The following SPATA1 variants were observed in gnomAD, a reference collection of about 807,000 sequenced individuals.
SPATA1 encodes spermatogenesis-associated protein 1.
In SPATA1, 57 loss-of-function variants were observed where a neutral mutation model predicts 59.6. The ratio of observed to expected loss-of-function variants is 0.96; its 90% CI spans 0.77 to 1.19. SPATA1 has a LOEUF of 1.19. Among genes scored for constraint, SPATA1 ranks in the 50% most tolerant of loss-of-function variants. SPATA1 has a pLI of 0.00. For synonymous variants in SPATA1, 147 were observed against 163.9 expected, an observed-to-expected ratio of 0.90 and a Z score of 0.79; for missense variants, 448 against 480.7, an observed-to-expected ratio of 0.93 and a Z score of 0.64.
At chr1:84,544,912 T>C (rs1387302424) in intron 9 of SPATA1, among the ~76,000 whole-genome samples, 2 of 151,784 alleles carry the variant, frequency 1.3e-5, no homozygotes, top group African/African-American at 4.8e-5. Flanking sequence ...CATTATTTCA[T>C]TTTAAAATAT....
intron 1 of SPATA1, among the ~76,000 whole-genome samples, chr1:84,515,801 G>A (rs1682771529): frequency 6.6e-6 from 1 of 152,110 alleles, no homozygotes; most frequent in African/African-American, 2.4e-5. Context: ...AGGAAGAAAT[G>A]TATATGATAT....
intron 6 of SPATA1, among the ~76,000 whole-genome samples, chr1:84,529,110 G>T (rs1683354678): frequency 6.6e-6 from 1 of 151,926 alleles, no homozygotes; most frequent in Admixed American, 6.6e-5. Flanking sequence ...ATCTGGCAGG[G>T]TGATTTCCCA....
chr1:84,532,732 T>C (rs1683521349), intron 6 of SPATA1, 128 bp from the exon 7 acceptor site: 1 of 610,142 alleles, frequency 1.6e-6, no homozygotes, highest in South Asian at 2.4e-5. Flanking sequence ...TATATCTATA[T>C]AGGAAAGTTC....
chr1:84,508,291 A>C (rs1259880596), intron 1 of SPATA1, among the ~76,000 whole-genome samples: 7 of 152,120 alleles, frequency 4.6e-5, no homozygotes, highest in African/African-American at 1.7e-4. Flanking sequence ...TCAAAAAAAA[A>C]AAAACAAAAC....
intron 9 of SPATA1, among the ~76,000 whole-genome samples, chr1:84,545,304 A>G (rs1461236108): frequency 6.6e-6 from 1 of 151,072 alleles, no homozygotes; most frequent in African/African-American, 2.4e-5. Flanking sequence ...ATTTAAGTAC[A>G]ATAATTTTGA....
downstream of SPATA1, chr1:84,554,822 C>T: frequency 3.7e-6 from 2 of 542,822 alleles, no homozygotes; most frequent in Non-Finnish European, 6.4e-6. Context: ...CTTTATGTTC[C>T]TGGATACTGA....
At chr1:84,514,612 G>T (rs1328241130) in intron 1 of SPATA1, among the ~76,000 whole-genome samples, 2 of 152,082 alleles carry the variant, frequency 1.3e-5, no homozygotes, top group Non-Finnish European at 2.9e-5. Flanking sequence ...TCCTGTATAG[G>T]TTTACCTCAG....
chr1:84,548,233 A>G (rs902886148), intron 10 of SPATA1, among the ~76,000 whole-genome samples: 1 of 151,982 alleles, frequency 6.6e-6, no homozygotes, highest in African/African-American at 2.4e-5. Context: ...AAACTAAACA[A>G]ATTCTGGTAT....
chr1:84,526,713 CAA>C (rs1433268628), intron 6 of SPATA1, among the ~76,000 whole-genome samples: 1 of 151,374 alleles, frequency 6.6e-6, no homozygotes, highest in Non-Finnish European at 1.5e-5. Context: ...CGAAAAAACA[CAA>C]AAGTTAGCCA....
At chr1:84,532,792 C>A (rs1683524906) in intron 6 of SPATA1, 68 bp from the exon 7 acceptor site, 1 of 1,123,492 alleles carries the variant, frequency 8.9e-7, no homozygotes, top group Non-Finnish European at 1.3e-6. Flanking sequence ...TGTATAAAAA[C>A]AAACGTTTAT....
intron 8 of SPATA1, among the ~76,000 whole-genome samples, chr1:84,538,944 C>T (rs1015307931): frequency 8.0e-5 from 12 of 150,408 alleles, no homozygotes; most frequent in Non-Finnish European, 1.5e-5. Flanking sequence ...AGACTACAGA[C>T]ACATGCCACC....
chr1:84,549,890 C>A (rs1324057385), intron 11 of SPATA1: 1 of 150,666 alleles, frequency 6.6e-6, no homozygotes, highest in Non-Finnish European at 1.5e-5. Context: ...TTTAGCATAG[C>A]TTATACTTTA....
intron 1 of SPATA1, among the ~76,000 whole-genome samples, chr1:84,511,519 ATGTT>A (rs1300515365): frequency 4.6e-5 from 7 of 151,728 alleles, no homozygotes; most frequent in African/African-American, 1.2e-4. Context: ...ACTACTATAA[ATGTT>A]TGTGGATTCT....
Position 84,563,315 on chromosome 1 carries a change from C to G in SPATA1, n.443-2546C>G, listed in dbSNP as rs376746415. 9 of 1,596,618 alleles carry G rather than the reference C, an allele frequency of 5.6e-6. No individual in the cohort carries two copies. The African/African-American group carries it at 9.5e-5, about 17-fold the overall frequency. ...ATCCCATAGGTTTCCAGAAATAGAACTATTTATTTGCTTCATGATCGTTTT... is the reference window on the plus strand; with the variant it reads ...ATCCCATAGGTTTCCAGAAATAGAAGTATTTATTTGCTTCATGATCGTTTT... On this transcript the variant is annotated intron_variant and non_coding_transcript_variant, in intron 4 of 4. Transcript: ENST00000460286.
At chr1:84,526,854 C>G (rs1423379820) in intron 6 of SPATA1, among the ~76,000 whole-genome samples, 2 of 114,876 alleles carry the variant, frequency 1.7e-5, no homozygotes, top group Middle Eastern at 9.1e-3. Flanking sequence ...GGTGACAGAG[C>G]GAGACTTTGT....
At chr1:84,518,868 C>A (rs1007237076) in intron 2 of SPATA1, among the ~76,000 whole-genome samples, 2 of 151,990 alleles carry the variant, frequency 1.3e-5, no homozygotes, top group African/African-American at 2.4e-5. Flanking sequence ...TTCTTCTTTA[C>A]CCTGCCCTAC....
chr1:84,531,596 C>G (rs1462535408), intron 6 of SPATA1, among the ~76,000 whole-genome samples: 1 of 120,502 alleles, frequency 8.3e-6, no homozygotes, highest in Non-Finnish European at 1.7e-5. Context: ...TTTTTTGAGA[C>G]AGGGTCTTGC....
chr1:84,560,113 G>T (rs976106148), intron 4 of SPATA1, among the ~76,000 whole-genome samples: 5 of 142,560 alleles, frequency 3.5e-5, no homozygotes, highest in Non-Finnish European at 7.6e-5. Flanking sequence ...AAGAAAGAAA[G>T]AAAGAAAGAA....
intron 3 of SPATA1, 35 bp from the exon 4 acceptor site, chr1:84,522,355 A>C (rs902293381): frequency 1.6e-6 from 2 of 1,262,378 alleles, no homozygotes; most frequent in Admixed American, 2.7e-5. Context: ...AATCTATTTC[A>C]TTTTATATTA....
Sources: gnomAD v4.1 joint callset for allele counts (sites outside exome capture counted in the v4.1 genomes callset) on GRCh38, gnomAD v4.1.1 for gene constraint, MANE v1.5 for transcripts, NCBI Gene and HGNC (gene_info 2026-07-23, HGNC 2026-07-21) for gene names.